The following PLPPR5 variants were observed in gnomAD, a reference collection of about 807,000 sequenced individuals.
PLPPR5 encodes phospholipid phosphatase related 5, also known as phospholipid phosphatase-related protein type 5.
Under a neutral mutation model 33.9 loss-of-function variants are expected in PLPPR5, and 16 were observed. The ratio of observed to expected loss-of-function variants is 0.47; its 90% CI spans 0.32 to 0.72. The LOEUF (loss-of-function observed/expected upper bound fraction) is 0.72. Among genes scored for constraint, PLPPR5 ranks in the 30% least tolerant of loss-of-function variants. The pLI is 0.03. For synonymous variants in PLPPR5, 163 were observed against 150.3 expected (o/e 1.08, Z -0.62); for missense variants, 301 against 406.7 (o/e 0.74, Z 2.23).
intron 1 of PLPPR5, among the ~76,000 whole-genome samples, chr1:98,996,274 CTACCCCCACCCACACATACAT>C (rs1652630350): frequency 6.6e-6 from 1 of 152,022 alleles, no homozygotes; most frequent in Non-Finnish European, 1.5e-5. Flanking sequence ...CACACATACA[CTACCCCCACCCACACATACAT>C]ACACATGCTT....
At chr1:98,963,640 C>T (rs377115012) in intron 1 of PLPPR5, among the ~76,000 whole-genome samples, 1 of 152,068 alleles carries the variant, frequency 6.6e-6, no homozygotes, top group Non-Finnish European at 1.5e-5. Flanking sequence ...AACTTGTGAG[C>T]CTCTCCTCCA....
At chr1:98,953,355 T>TTGTG (rs58092870) in intron 2 of PLPPR5, 35 bp from the exon 3 acceptor site, 115,661 of 1,350,996 alleles carry the variant, frequency 0.086, 1,462 homozygotes, top group Non-Finnish European at 0.092. Context: ...AACTTCTTGC[T>TTGTG]TGTGTGTGTG....
chr1:98,937,426 G>A (rs1321893890), intron 3 of PLPPR5, among the ~76,000 whole-genome samples: 2 of 152,190 alleles, frequency 1.3e-5, no homozygotes, highest in African/African-American at 4.8e-5. Context: ...AGAAAATGCA[G>A]TAGATGTGAC....
At chr1:98,935,739 C>T (rs768170091) in intron 3 of PLPPR5, among the ~76,000 whole-genome samples, 13 of 152,130 alleles carry the variant, frequency 8.5e-5, no homozygotes, top group African/African-American at 1.4e-4. Flanking sequence ...TGGTTCCTTT[C>T]GTGTTCCTTA....
At chr1:98,920,712 T>C (rs1455045914) in intron 4 of PLPPR5, among the ~76,000 whole-genome samples, 1 of 151,872 alleles carries the variant, frequency 6.6e-6, no homozygotes, top group Non-Finnish European at 1.5e-5. Context: ...CAACATTTGG[T>C]AGCTGGAAAG....
chr1:98,908,325 T>A (rs1042349864), intron 5 of PLPPR5, among the ~76,000 whole-genome samples: 1 of 152,138 alleles, frequency 6.6e-6, no homozygotes, highest in Non-Finnish European at 1.5e-5. Flanking sequence ...CCAAAAAAAA[T>A]TTACTGTAGT....
chr1:98,933,402 G>A (rs1650056098), intron 3 of PLPPR5, among the ~76,000 whole-genome samples: 1 of 147,448 alleles, frequency 6.8e-6, no homozygotes, highest in Admixed American at 6.9e-5. Flanking sequence ...AGAATGGTGT[G>A]AACCCGGGAG....
At chr1:98,951,149 C>T (rs989911542) in intron 3 of PLPPR5, among the ~76,000 whole-genome samples, 2 of 152,170 alleles carry the variant, frequency 1.3e-5, no homozygotes, top group Admixed American at 6.6e-5. Context: ...CAAATATGAA[C>T]ATCAAATTTA....
At chr1:98,962,603 T>C (rs1003619764) in intron 1 of PLPPR5, among the ~76,000 whole-genome samples, 5 of 152,202 alleles carry the variant, frequency 3.3e-5, no homozygotes, top group African/African-American at 1.2e-4. Flanking sequence ...AAACTGTTAC[T>C]GTCAGATTGG....
intron 1 of PLPPR5, among the ~76,000 whole-genome samples, chr1:98,980,314 T>G (rs948770065): frequency 1.3e-5 from 2 of 152,106 alleles, no homozygotes; most frequent in Non-Finnish European, 2.9e-5. Flanking sequence ...GTTTTCTCTT[T>G]CAAACTCCTT....
intron 5 of PLPPR5, among the ~76,000 whole-genome samples, chr1:98,910,285 T>C (rs771900848): frequency 2.6e-5 from 4 of 152,196 alleles, no homozygotes; most frequent in Non-Finnish European, 4.4e-5. Flanking sequence ...ACTCTCCAAC[T>C]ATCAGTTATT....
At position 98,930,782 on chromosome 1, in the gene PLPPR5, A is replaced by T. The variant is rs530435045; in HGVS notation, c.622-8724T>A. ...AATTTTCCAGGTTGGGTCCTCAGGAAGTGCTCTTCTTTCCCCCTCTCAAGG... is the reference window on the plus strand; with the variant it reads ...AATTTTCCAGGTTGGGTCCTCAGGATGTGCTCTTCTTTCCCCCTCTCAAGG... On this transcript the variant is annotated intron_variant, in intron 3 of 5. Transcript: ENST00000263177. 5.3e-5 allele frequency among the ~76,000 whole-genome samples: 8 copies of T among 152,276 alleles called. No homozygotes were observed. The East Asian group carries it at 1.5e-3, about 29-fold the overall frequency.
chr1:98,975,112 T>C (rs938870815), intron 1 of PLPPR5, among the ~76,000 whole-genome samples: 1 of 152,078 alleles, frequency 6.6e-6, no homozygotes, highest in African/African-American at 2.4e-5. Context: ...AGAGATCATG[T>C]TCTGTTGCAG....
chr1:98,922,685 A>G (rs2101163274), intron 3 of PLPPR5, among the ~76,000 whole-genome samples: 1 of 152,292 alleles, frequency 6.6e-6, no homozygotes, highest in African/African-American at 2.4e-5. Context: ...CAGAATTAGG[A>G]CAATAAAACA....
chr1:98,983,946 CTTTT>C, intron 1 of PLPPR5, among the ~76,000 whole-genome samples: 1 of 141,862 alleles, frequency 7.0e-6, no homozygotes, highest in South Asian at 2.2e-4. Flanking sequence ...TTGTTTTTTT[CTTTT>C]TTTTTTTTTG....
At chr1:98,939,530 G>A (rs1043049074) in intron 3 of PLPPR5, among the ~76,000 whole-genome samples, 1 of 151,950 alleles carries the variant, frequency 6.6e-6, no homozygotes, top group Non-Finnish European at 1.5e-5. Context: ...TATATTCTAT[G>A]CCACCACCAA....
chr1:98,893,880 T>C (rs1325473673), intron 5 of PLPPR5, among the ~76,000 whole-genome samples: 1 of 152,024 alleles, frequency 6.6e-6, no homozygotes, highest in East Asian at 1.9e-4. Flanking sequence ...TAAATGTGTT[T>C]TGTATAGTTT....
At chr1:98,998,016 T>G (rs1652689082) in intron 1 of PLPPR5, among the ~76,000 whole-genome samples, 3 of 151,892 alleles carry the variant, frequency 2.0e-5, no homozygotes, top group African/African-American at 7.3e-5. Context: ...CTAACTGGTG[T>G]TATGGTTCTT....
At chr1:98,950,852 G>A (rs1650757513) in intron 3 of PLPPR5, among the ~76,000 whole-genome samples, 1 of 151,880 alleles carries the variant, frequency 6.6e-6, no homozygotes, top group Non-Finnish European at 1.5e-5. Context: ...CCTGGCTGAG[G>A]TTTTGCTTAT....
Sources: gnomAD v4.1 joint callset for allele counts (sites outside exome capture counted in the v4.1 genomes callset) on GRCh38, gnomAD v4.1.1 for gene constraint, MANE v1.5 for transcripts, NCBI Gene and HGNC (gene_info 2026-07-23, HGNC 2026-07-21) for gene names.